Variants in XRCC4 observed in about 807,000 individuals in gnomAD.
XRCC4 encodes X-ray repair cross complementing 4.
Under a neutral mutation model 39.1 loss-of-function variants are expected in XRCC4, and 28 were observed. The ratio of observed to expected loss-of-function variants is 0.72; its 90% CI spans 0.53 to 0.98. The LOEUF (loss-of-function observed/expected upper bound fraction) is 0.98, where lower values mean the gene tolerates loss of function less well. XRCC4 is among the 50% of genes least tolerant of loss of function. The probability of loss-of-function intolerance (pLI) is 0.00; values close to 1 mark genes in which losing one functional copy is unlikely to be tolerated. For synonymous variants in XRCC4, 123 were observed against 126.4 expected (o/e 0.97, Z 0.18); for missense variants, 350 against 376.4 (o/e 0.93, Z 0.58).
At chr5:83,358,655 T>C (rs1013962485), downstream of XRCC4, among the ~76,000 whole-genome samples, 3 of 152,192 alleles carry the variant, frequency 2.0e-5, no homozygotes, top group African/African-American at 7.2e-5. Context: ...GTAAATGGAA[T>C]ATAGACCAGT....
intron 5 of XRCC4, 73 bp from the exon 6 acceptor site, chr5:83,204,742 T>A: frequency 9.7e-7 from 1 of 1,029,462 alleles, no homozygotes; most frequent in South Asian, 1.7e-5. Flanking sequence ...TTTCTATAAT[T>A]GCTTACTGAT....
intron 4 of XRCC4, 42 bp from the exon 5 acceptor site, chr5:83,203,510 C>G (rs1751292528): frequency 1.3e-6 from 2 of 1,503,428 alleles, no homozygotes; most frequent in Non-Finnish European, 8.9e-7. Context: ...TAATGCTAAG[C>G]AGAACTGCAT....
intron 6 of XRCC4, among the ~76,000 whole-genome samples, chr5:83,255,102 A>AG (rs1304802175): frequency 1.3e-5 from 2 of 152,156 alleles, no homozygotes; most frequent in African/African-American, 4.8e-5. Flanking sequence ...AAGAAAAAAA[A>AG]AAAGAAAAGA....
At chr5:83,284,311 G>A (rs1272902770) in intron 7 of XRCC4, among the ~76,000 whole-genome samples, 2 of 152,044 alleles carry the variant, frequency 1.3e-5, no homozygotes, top group East Asian at 3.9e-4. Flanking sequence ...CCTTAACTCA[G>A]TGACTAAGAA....
intron 6 of XRCC4, among the ~76,000 whole-genome samples, chr5:83,214,495 T>C (rs1751775139): frequency 6.6e-6 from 1 of 152,074 alleles, no homozygotes; most frequent in South Asian, 2.1e-4. Context: ...GCCAAGGAGT[T>C]TGAGGCCAGC....
At chr5:83,340,131 C>T (rs192817204) in intron 7 of XRCC4, among the ~76,000 whole-genome samples, 17 of 152,278 alleles carry the variant, frequency 1.1e-4, no homozygotes, top group Admixed American at 9.8e-4. Flanking sequence ...TTCCAACCAG[C>T]TTGGGGGATT....
chr5:83,309,669 C>T (rs896824814), intron 7 of XRCC4, among the ~76,000 whole-genome samples: 7 of 135,406 alleles, frequency 5.2e-5, no homozygotes, highest in Admixed American at 1.7e-4. Context: ...GAGGCTGAGG[C>T]GGGAGAATGG....
intron 3 of XRCC4, among the ~76,000 whole-genome samples, chr5:83,119,998 C>CAAAAAA (rs367806953): frequency 1.1e-4 from 7 of 62,042 alleles, no homozygotes; most frequent in South Asian, 4.9e-4. Flanking sequence ...CCTTGTCTCA[C>CAAAAAA]AAAAAAAAAA....
chr5:83,293,255 A>G (rs1754984098), intron 7 of XRCC4, among the ~76,000 whole-genome samples: 1 of 151,850 alleles, frequency 6.6e-6, no homozygotes, highest in Admixed American at 6.6e-5. Flanking sequence ...TTCCCTTCCA[A>G]AGGAAATGAT....
intron 7 of XRCC4, among the ~76,000 whole-genome samples, chr5:83,347,207 A>G (rs1293740344): frequency 6.6e-6 from 1 of 152,236 alleles, no homozygotes; most frequent in East Asian, 1.9e-4. Flanking sequence ...CTGCAAAACT[A>G]TAAATGTGTA....
chr5:83,155,962 C>G (rs760360020), intron 3 of XRCC4, among the ~76,000 whole-genome samples: 21 of 151,982 alleles, frequency 1.4e-4, no homozygotes, highest in Non-Finnish European at 2.6e-4. Flanking sequence ...AAATATTACT[C>G]TCACTCTCAA....
At chr5:83,232,305 C>T (rs1343974359) in intron 6 of XRCC4, among the ~76,000 whole-genome samples, 1 of 152,002 alleles carries the variant, frequency 6.6e-6, no homozygotes, top group African/African-American at 2.4e-5. Context: ...TTGTGAACCC[C>T]TTAAGAAAAA....
At chr5:83,290,900 G>A (rs1754902041) in intron 7 of XRCC4, among the ~76,000 whole-genome samples, 1 of 151,818 alleles carries the variant, frequency 6.6e-6, no homozygotes, top group African/African-American at 2.4e-5. Context: ...GGGAAATGTA[G>A]TATACCCACA....
intron 1 of XRCC4, among the ~76,000 whole-genome samples, chr5:83,081,207 C>T (rs1038986513): frequency 6.6e-6 from 1 of 152,040 alleles, no homozygotes; most frequent in African/African-American, 2.4e-5. Context: ...CACTTTCTCC[C>T]CATTTTCTCT....
At chr5:83,081,848 C>T (rs1744953694) in intron 1 of XRCC4, among the ~76,000 whole-genome samples, 1 of 152,082 alleles carries the variant, frequency 6.6e-6, no homozygotes, top group Admixed American at 6.6e-5. Context: ...ACCTCTGCAT[C>T]TTCATTGGTA....
At chr5:83,100,977 T>G (rs1324973905) in intron 1 of XRCC4, among the ~76,000 whole-genome samples, 1 of 152,108 alleles carries the variant, frequency 6.6e-6, no homozygotes, top group Non-Finnish European at 1.5e-5. Context: ...GAGAAAATTT[T>G]GACTAAATGG....
At chr5:83,273,970 A>G (rs1249937363) in intron 7 of XRCC4, among the ~76,000 whole-genome samples, 1 of 151,790 alleles carries the variant, frequency 6.6e-6, no homozygotes, top group Non-Finnish European at 1.5e-5. Context: ...TTCTAGTTGT[A>G]GATACTGCTG....
chr5:83,263,671 C>T (rs542669881), intron 7 of XRCC4, among the ~76,000 whole-genome samples: 386 of 147,794 alleles, frequency 2.6e-3, no homozygotes, highest in Admixed American at 5.2e-3. Context: ...TCATGTCCTT[C>T]GCCCACTTTT....
At chr5:83,234,123 C>T (rs1384700252) in intron 6 of XRCC4, among the ~76,000 whole-genome samples, 1 of 152,070 alleles carries the variant, frequency 6.6e-6, no homozygotes, top group African/African-American at 2.4e-5. Context: ...TCTATCAGCT[C>T]TACATTTACA....
Sources: gnomAD v4.1 joint callset for allele counts (sites outside exome capture counted in the v4.1 genomes callset) on GRCh38, gnomAD v4.1.1 for gene constraint, MANE v1.5 for transcripts, NCBI Gene and HGNC (gene_info 2026-07-23, HGNC 2026-07-21) for gene names.